The following IL19 variants were observed in gnomAD, a reference collection of about 807,000 sequenced individuals.
IL19 encodes interleukin-19.
In IL19, 15 loss-of-function variants were observed where a neutral mutation model predicts 19.5. The ratio of observed to expected loss-of-function variants is 0.77; its 90% CI spans 0.52 to 1.19. The LOEUF is 1.19. Ranked by LOEUF, IL19 falls within the 50% of genes most tolerant of loss-of-function variation. The pLI, the probability that IL19 is intolerant of heterozygous loss-of-function variation, is 0.00. For missense variants in IL19, 199 were observed against 213.1 expected (o/e 0.93, Z 0.41); for synonymous variants, 78 against 78.3 (o/e 1.00, Z 0.02).
In IL19 at chr1:206,798,967, CAT is replaced by C. The variant is rs1443519738; in HGVS notation, c.-41_-40del. Reference sequence around the variant, plus strand: ...ACTCACACATGTGCACACACATATCCATGTGTGTGTGCCAGTGCTTTGGGGCT... The same window carrying C: ...ACTCACACATGTGCACACACATATCCGTGTGTGTGCCAGTGCTTTGGGGCT... On this transcript the variant is annotated 5_prime_UTR_variant, in exon 2 of 7. An upstream start codon of the reference 5' UTR is lost. Coordinates refer to ENST00000659997, the MANE Select transcript of IL19 (RefSeq NM_153758.5). 1 of 1,612,990 alleles carries C rather than the reference CAT, an allele frequency of 6.2e-7. No individual in the cohort carries two copies. Among genetic ancestry groups the C allele is most frequent in the Non-Finnish European group, 8.5e-7 (1 of 1,179,034 alleles).
chr1:206,812,297 C>A (rs1306252446), intron 2 of IL19, among the ~76,000 whole-genome samples: 1 of 152,170 alleles, frequency 6.6e-6, no homozygotes, highest in Non-Finnish European at 1.5e-5. Context: ...GCTTTTCATC[C>A]CTGTGCCTTT....
At chr1:206,837,485 A>G (rs982670594) in intron 4 of IL19, among the ~76,000 whole-genome samples, 1 of 152,034 alleles carries the variant, frequency 6.6e-6, no homozygotes, top group Non-Finnish European at 1.5e-5. Context: ...GTGGTGGGAG[A>G]TGAAGTGAAA....
chr1:206,808,483 A>C, intron 2 of IL19, among the ~76,000 whole-genome samples: 1 of 141,438 alleles, frequency 7.1e-6, no homozygotes, highest in East Asian at 2.3e-4. Flanking sequence ...AGAGGTATGA[A>C]GGGAATTGTG....
intron 1 of IL19, among the ~76,000 whole-genome samples, chr1:206,776,323 A>G (rs2102444272): frequency 6.6e-6 from 1 of 152,258 alleles, no homozygotes; most frequent in East Asian, 1.9e-4. Context: ...AAAGGTTTAA[A>G]GGCACACCAA....
chr1:206,824,333 G>A (rs1024754036), intron 2 of IL19, among the ~76,000 whole-genome samples: 1 of 152,210 alleles, frequency 6.6e-6, no homozygotes, highest in Admixed American at 6.5e-5. Context: ...TGTTGACATG[G>A]AATTCCGAGT....
At chr1:206,804,742 G>A (rs939932473) in intron 2 of IL19, among the ~76,000 whole-genome samples, 10 of 152,166 alleles carry the variant, frequency 6.6e-5, no homozygotes, top group Non-Finnish European at 1.0e-4. Context: ...ACTGCTTTCC[G>A]CACCTTTGTT....
chr1:206,772,066 C>T (rs1022560735), intron 1 of IL19, among the ~76,000 whole-genome samples: 19 of 152,314 alleles, frequency 1.2e-4, no homozygotes, highest in South Asian at 2.1e-4. Flanking sequence ...AGGCAGGTTT[C>T]CTGCACATTT....
chr1:206,772,249 G>A (rs1157443398), intron 1 of IL19: 2 of 1,608,602 alleles, frequency 1.2e-6, no homozygotes, highest in Non-Finnish European at 8.5e-7. Context: ...AGAGAGAAAG[G>A]ACAGGAAGGA....
intron 2 of IL19, among the ~76,000 whole-genome samples, chr1:206,818,407 A>G (rs1392465206): frequency 6.6e-6 from 1 of 152,216 alleles, no homozygotes; most frequent in Non-Finnish European, 1.5e-5. Flanking sequence ...ACAAATCTCA[A>G]GATAATTATG....
intron 1 of IL19, among the ~76,000 whole-genome samples, chr1:206,783,626 C>T (rs1675197438): frequency 6.6e-6 from 1 of 152,184 alleles, no homozygotes; most frequent in African/African-American, 2.4e-5. Flanking sequence ...GCTGGAAGTG[C>T]CTTCCCCACT....
Position 206,824,105 on chromosome 1 carries a change from C to T in IL19, c.-2-12556C>T, listed in dbSNP as rs538485682. ...CTCAAGCACTGTTACTTGATATCAGCGGATTATTTCTCTCCAGAGGCTTGG... is the reference window on the plus strand; with the variant it reads ...CTCAAGCACTGTTACTTGATATCAGTGGATTATTTCTCTCCAGAGGCTTGG... On this transcript the variant is annotated intron_variant, in intron 2 of 6. Coordinates refer to ENST00000659997, the MANE Select transcript of IL19 (RefSeq NM_153758.5). 4.5e-4 allele frequency among the ~76,000 whole-genome samples: 69 copies of T among 152,304 alleles called. 2 individuals carry two copies. The South Asian group carries it at 0.014, about 30-fold the overall frequency.
intron 2 of IL19, chr1:206,833,856 A>G (rs1010177277): frequency 1.0e-6 from 1 of 985,466 alleles, no homozygotes; most frequent in South Asian, 4.7e-5. Context: ...AAAATGATGC[A>G]GGTAAAGCAG....
chr1:206,800,417 T>A (rs1675653371), intron 2 of IL19, among the ~76,000 whole-genome samples: 1 of 152,130 alleles, frequency 6.6e-6, no homozygotes, highest in Non-Finnish European at 1.5e-5. Flanking sequence ...CTGTGCAACA[T>A]GACAGTATTA....
At chr1:206,779,554 G>T (rs1675082922) in intron 1 of IL19, among the ~76,000 whole-genome samples, 1 of 152,124 alleles carries the variant, frequency 6.6e-6, no homozygotes, top group Non-Finnish European at 1.5e-5. Context: ...ATGCCAAATT[G>T]TTATTCTAAT....
intron 2 of IL19, among the ~76,000 whole-genome samples, chr1:206,800,418 G>A (rs963365483): frequency 6.6e-6 from 1 of 152,230 alleles, no homozygotes; most frequent in Non-Finnish European, 1.5e-5. Flanking sequence ...TGTGCAACAT[G>A]ACAGTATTAT....
intron 2 of IL19, among the ~76,000 whole-genome samples, chr1:206,806,448 T>C (rs895013638): frequency 6.6e-6 from 1 of 152,100 alleles, no homozygotes; most frequent in Non-Finnish European, 1.5e-5. Flanking sequence ...AGAAAACAAG[T>C]CAAGCATTTT....
At chr1:206,830,932 C>A (rs1414212217) in intron 2 of IL19, among the ~76,000 whole-genome samples, 1 of 152,120 alleles carries the variant, frequency 6.6e-6, no homozygotes, top group Non-Finnish European at 1.5e-5. Context: ...GTTTTATAGT[C>A]CTCATAATGA....
intron 1 of IL19, among the ~76,000 whole-genome samples, chr1:206,788,999 A>T (rs1474375337): frequency 6.6e-6 from 1 of 152,244 alleles, no homozygotes; most frequent in African/African-American, 2.4e-5. Flanking sequence ...TGATCAAGAT[A>T]TAAAAGATGG....
chr1:206,798,988 T>TG lies in IL19; in HGVS notation c.-17dup, dbSNP rs1473742317. 2.5e-6 allele frequency: 4 copies of TG among 1,612,778 alleles called. No homozygotes were observed. Among genetic ancestry groups the TG allele is most frequent in the Non-Finnish European group, 3.4e-6 (4 of 1,178,924 alleles). Reference sequence around the variant, plus strand: ...TATCCATGTGTGTGTGCCAGTGCTTTGGGGCTCTGTTCCACGGGGTAAGTA... The same window carrying TG: ...TATCCATGTGTGTGTGCCAGTGCTTTGGGGGCTCTGTTCCACGGGGTAAGTA... On this transcript the variant is annotated 5_prime_UTR_variant, in exon 2 of 7. Coordinates refer to ENST00000659997, the MANE Select transcript of IL19 (RefSeq NM_153758.5).
Sources: allele counts gnomAD v4.1 joint callset (sites outside exome capture counted in the v4.1 genomes callset), GRCh38; gene constraint gnomAD v4.1.1; transcripts MANE v1.5; gene names NCBI Gene and HGNC (gene_info 2026-07-23, HGNC 2026-07-21).